Variants in APLP2 observed in about 807,000 individuals in gnomAD.
The protein encoded by APLP2 is amyloid beta precursor like protein 2.
Under a neutral mutation model 89.9 loss-of-function variants are expected in APLP2, and 53 were observed. The observed-to-expected ratio is 0.59, with a 90% CI of 0.47 to 0.74. APLP2 has a LOEUF of 0.74. APLP2 is among the 30% of genes least tolerant of loss of function. The pLI is 0.00. For synonymous variants in APLP2, 372 were observed against 348.6 expected, an observed-to-expected ratio of 1.07 and a Z score of -0.75; for missense variants, 973 against 975.9, an observed-to-expected ratio of 1.00 and a Z score of 0.04.
At chr11:130,135,780 C>A in intron 13 of APLP2, 65 bp downstream of exon 13, 1 of 1,588,832 alleles carries the variant, frequency 6.3e-7, no homozygotes, top group South Asian at 1.1e-5. Context: ...GAATTGAAGT[C>A]AGTTTTTCGA....
chr11:130,099,535 C>T (rs758739129), intron 1 of APLP2, among the ~76,000 whole-genome samples: 5 of 152,222 alleles, frequency 3.3e-5, no homozygotes, highest in Non-Finnish European at 7.3e-5. Context: ...ATCTTGACTT[C>T]ACTTCCAAGT....
chr11:130,079,317 T>C (rs922671229), intron 1 of APLP2, among the ~76,000 whole-genome samples: 2 of 152,122 alleles, frequency 1.3e-5, no homozygotes, highest in African/African-American at 4.8e-5. Flanking sequence ...CAGGCTGGTC[T>C]CAAACTCCTG....
At chr11:130,119,239 C>T (rs1270031911) in intron 3 of APLP2, among the ~76,000 whole-genome samples, 1 of 152,218 alleles carries the variant, frequency 6.6e-6, no homozygotes, top group African/African-American at 2.4e-5. Flanking sequence ...GCCACTGCTT[C>T]CTGCATCTCT....
chr11:130,108,641 A>G (rs2135778859), intron 1 of APLP2: 1 of 152,376 alleles, frequency 6.6e-6, no homozygotes, highest in African/African-American at 2.4e-5. Flanking sequence ...TGTAGAAGAC[A>G]GTGTGGTGAT....
chr11:130,129,338 G>A (rs1950683021), intron 10 of APLP2, 132 bp downstream of exon 10: 1 of 1,080,978 alleles, frequency 9.3e-7, no homozygotes, highest in Non-Finnish European at 1.3e-6. Context: ...AAGATGATGA[G>A]GGAGGAAAAG....
chr11:130,089,686 T>G (rs1944621496), intron 1 of APLP2, among the ~76,000 whole-genome samples: 1 of 152,250 alleles, frequency 6.6e-6, no homozygotes, highest in Non-Finnish European at 1.5e-5. Context: ...TTTCTGGTTT[T>G]CTGGAGGCTA....
intron 10 of APLP2, among the ~76,000 whole-genome samples, chr11:130,129,514 C>T (rs1357647271): frequency 6.6e-6 from 1 of 152,158 alleles, no homozygotes; most frequent in Non-Finnish European, 1.5e-5. Context: ...TGAAAACATG[C>T]TATTCATGAA....
chr11:130,108,717 A>G (rs949277569), intron 1 of APLP2: 7 of 152,252 alleles, frequency 4.6e-5, no homozygotes, highest in African/African-American at 7.2e-5. Flanking sequence ...TATGTACCCA[A>G]TGGATTATAA....
rs1438897795 is a variant in APLP2 at position 130,133,689 on chromosome 11, A to G, written c.1645A>G (p.Lys549Glu). 6.2e-7 allele frequency: 1 copy of G among 1,614,082 alleles called. No homozygotes were observed. Among genetic ancestry groups the G allele is most frequent in the African/African-American group, 1.3e-5 (1 of 74,930 alleles). The change falls in exon 12 of 17, where the codon AAA (lysine) becomes GAA (glutamate). Residue 549 changes from lysine to glutamate, a missense_variant. Transcript: ENST00000338167. ...GAACCAAAGCCTCTCTCTGCTCTAC[A>G]AAGTACCTTATGTAGCCCAAGAAAT... ...RRNQSLSLLY[K>E]VPYVAQEIQE...
chr11:130,139,208 T>C (rs1442897893), intron 13 of APLP2: 3 of 152,252 alleles, frequency 2.0e-5, no homozygotes, highest in African/African-American at 7.2e-5. Context: ...TTTGGCTGCA[T>C]TGCATGAGCT....
chr11:130,140,294 T>C, intron 13 of APLP2, 104 bp from the exon 14 acceptor site: 1 of 764,544 alleles, frequency 1.3e-6, no homozygotes, highest in Non-Finnish European at 2.1e-6. Flanking sequence ...GGGAGGTGCG[T>C]GTTGAGGGGC....
intron 1 of APLP2, among the ~76,000 whole-genome samples, chr11:130,078,286 T>C (rs1252833599): frequency 6.6e-6 from 1 of 152,068 alleles, no homozygotes; most frequent in Non-Finnish European, 1.5e-5. Flanking sequence ...TGTGGCTCAC[T>C]CATTTCCGTT....
rs1471285544 is a variant in APLP2 at position 130,120,796 on chromosome 11, A to T, written c.494A>T (p.His165Leu). Reference sequence around the variant, plus strand: ...ATGGAGGTGTGTGAGAATCACCAGCACTGGCACACGGTAGTCAAAGAGGTA... The same window carrying T: ...ATGGAGGTGTGTGAGAATCACCAGCTCTGGCACACGGTAGTCAAAGAGGTA... ...ERMEVCENHQ[H>L]WHTVVKEACL... Residue 165 changes from histidine (H) to leucine (L), a missense_variant, in exon 4 of 17, where the codon CAC becomes CTC. Physicochemically the swap from His to Leu is moderately conservative, Grantham distance 99. Coordinates refer to ENST00000338167, the MANE Select transcript of APLP2 (RefSeq NM_001142276.2). 1 of 1,613,888 alleles carries T rather than the reference A, an allele frequency of 6.2e-7. No individual in the cohort carries two copies. Among genetic ancestry groups the T allele is most frequent in the Admixed American group, 1.7e-5 (1 of 60,018 alleles).
intron 2 of APLP2, 70 bp from the exon 3 acceptor site, chr11:130,110,468 C>T: frequency 6.3e-7 from 1 of 1,579,086 alleles, no homozygotes; most frequent in Non-Finnish European, 8.6e-7. Context: ...CTTAGACACT[C>T]CATCCTTACT....
At chr11:130,122,101 G>T (rs1428931285) in intron 5 of APLP2, among the ~76,000 whole-genome samples, 1 of 152,094 alleles carries the variant, frequency 6.6e-6, no homozygotes, top group African/African-American at 2.4e-5. Context: ...TTGTCTTATT[G>T]TTGTATCATG....
At position 130,070,667 on chromosome 11, in the gene APLP2, C is replaced by G; in HGVS notation, c.105+585C>G. ...CCAGGCCGCCCGCTGCTCCCTCTGCCGCCTGGGGCCGGGTCGCGGACGCGC... is the reference window on the plus strand; with the variant it reads ...CCAGGCCGCCCGCTGCTCCCTCTGCGGCCTGGGGCCGGGTCGCGGACGCGC... On this transcript the variant is annotated intron_variant, in intron 1 of 16. Transcript: ENST00000338167. 2.0e-6 allele frequency: 3 copies of G among 1,477,214 alleles called. 1 individual carries two copies. The South Asian group carries it at 3.8e-5, about 19-fold the overall frequency. 91.5% of individuals were successfully genotyped at this position (1,477,214 alleles called of 1,614,324 possible).
Position 130,130,121 on chromosome 11 carries a change from T to C in APLP2, c.1539T>C (p.His513=), listed in dbSNP as rs17849843. ...TACATACCATCCGTCATTACCAGCA[T>C]GTGTTGGCTGTTGACCCAGAAAAGG... ...DRLHTIRHYQ[H]VLAVDPEKAA... is the part of the protein sequence containing the mutation. The change falls in exon 11 of 17, where the codon CAT becomes CAC. Residue 513 remains histidine (H), a synonymous_variant. Coordinates refer to ENST00000338167, the MANE Select transcript of APLP2 (RefSeq NM_001142276.2). The C allele has an allele frequency of 3.6e-5, 58 of 1,614,146 alleles. No individual in the cohort carries two copies. Among genetic ancestry groups the C allele is most frequent in the Non-Finnish European group, 4.5e-5 (53 of 1,180,060 alleles).
chr11:130,099,878 C>T (rs753685905), intron 1 of APLP2, among the ~76,000 whole-genome samples: 20 of 152,204 alleles, frequency 1.3e-4, no homozygotes, highest in Admixed American at 5.9e-4. Flanking sequence ...GTGATGCTAA[C>T]GTGCTTGCTC....
intron 1 of APLP2, among the ~76,000 whole-genome samples, chr11:130,090,710 AC>A (rs1306535034): frequency 6.6e-6 from 1 of 151,444 alleles, no homozygotes; most frequent in South Asian, 2.1e-4. Flanking sequence ...TCCCTTCCCC[AC>A]CTTTCCTGCC....
Sources: allele counts gnomAD v4.1 joint callset (sites outside exome capture counted in the v4.1 genomes callset), GRCh38; gene constraint gnomAD v4.1.1; transcripts MANE v1.5; gene names NCBI Gene and HGNC (gene_info 2026-07-23, HGNC 2026-07-21).